The following TMEM164 variants were observed in gnomAD, a reference collection of about 807,000 sequenced individuals.
TMEM164 encodes RP13-360B22.2.
In TMEM164, 4 loss-of-function variants were observed where a neutral mutation model predicts 18.8. That is an observed-to-expected ratio of 0.21 (90% CI 0.10 to 0.49). The LOEUF is 0.49. Ranked by LOEUF, TMEM164 falls within the 20% of genes least tolerant of loss-of-function variation. TMEM164 has a pLI of 0.98. For synonymous variants in TMEM164, 86 were observed against 101.7 expected (o/e 0.85, Z 0.93); for missense variants, 108 against 239.9 (o/e 0.45, Z 3.63).
At chrX:110,054,795 TTGGGTCACACTCCCCAACATTACAAAA>T (rs1935738871) in intron 2 of TMEM164, among the ~76,000 whole-genome samples, 1 of 111,804 alleles carries the variant, frequency 8.9e-6, no homozygotes, top group Non-Finnish European at 1.9e-5. Context: ...TTCTAGTGGA[TTGGGTCACACTCCCCAACATTACAAAA>T]CACTTCTTAA....
downstream of TMEM164, among the ~76,000 whole-genome samples, chrX:110,179,644 C>T (rs1394427915): frequency 3.6e-5 from 4 of 112,286 alleles, no homozygotes; most frequent in East Asian, 8.4e-4. Context: ...TGCAGTCTTC[C>T]CTGAGCCCCA....
At chrX:110,127,536 A>ACAAAT (rs1484976498) in intron 4 of TMEM164, among the ~76,000 whole-genome samples, 1 of 112,012 alleles carries the variant, frequency 8.9e-6, no homozygotes, top group East Asian at 2.8e-4. Flanking sequence ...ACAAAACAAA[A>ACAAAT]CAAAACAACC....
At chrX:110,044,486 C>T (rs922120587) in intron 2 of TMEM164, among the ~76,000 whole-genome samples, 1 of 106,915 alleles carries the variant, frequency 9.4e-6, no homozygotes, top group Non-Finnish European at 1.9e-5. Flanking sequence ...GTCACCCAGG[C>T]TGGAGTGCAG....
downstream of TMEM164, among the ~76,000 whole-genome samples, chrX:110,181,519 T>C (rs753278703): frequency 8.9e-6 from 1 of 112,628 alleles, no homozygotes; most frequent in Admixed American, 9.3e-5. Flanking sequence ...GGAAATAACT[T>C]TGTTGGGAAA....
At chrX:110,007,520 T>C in intron 2 of TMEM164, among the ~76,000 whole-genome samples, 1 of 112,344 alleles carries the variant, frequency 8.9e-6, no homozygotes, top group Non-Finnish European at 1.9e-5. Flanking sequence ...TTGGCAGGTA[T>C]GGGTGACAGG....
At chrX:110,068,366 T>C (rs2065532487) in intron 3 of TMEM164, among the ~76,000 whole-genome samples, 1 of 112,453 alleles carries the variant, frequency 8.9e-6, no homozygotes, top group Non-Finnish European at 1.9e-5. Flanking sequence ...CTTGAACAGC[T>C]CCTAAAGGAA....
intron 5 of TMEM164, among the ~76,000 whole-genome samples, chrX:110,158,385 A>G (rs757371126): frequency 2.7e-5 from 3 of 111,807 alleles, no homozygotes; most frequent in South Asian, 3.8e-4. Flanking sequence ...GATCCGTCCA[A>G]TGTTGAGGCT....
chrX:110,127,173 G>A (rs1344995703), intron 4 of TMEM164, among the ~76,000 whole-genome samples: 1 of 110,704 alleles, frequency 9.0e-6, no homozygotes, highest in African/African-American at 3.3e-5. Context: ...TCCTGAGGAA[G>A]TACCATCCAG....
At chrX:110,145,282 A>G (rs1346388643) in intron 5 of TMEM164, among the ~76,000 whole-genome samples, 1 of 111,417 alleles carries the variant, frequency 9.0e-6, no homozygotes, top group Admixed American at 9.5e-5. Flanking sequence ...AAAAGAAGAT[A>G]TTGTAAGGGG....
intron 5 of TMEM164, among the ~76,000 whole-genome samples, chrX:110,157,539 A>C (rs2067034296): frequency 9.0e-6 from 1 of 111,648 alleles, no homozygotes; most frequent in South Asian, 3.8e-4. Flanking sequence ...CAGTAGAGCC[A>C]GGGAACATTG....
intron 4 of TMEM164, among the ~76,000 whole-genome samples, chrX:110,140,989 G>A (rs1362206885): frequency 1.8e-5 from 2 of 111,572 alleles, no homozygotes; most frequent in African/African-American, 6.5e-5. Context: ...GTAAAGAACT[G>A]TCTTAGCTGG....
chrX:110,160,654 A>G lies in TMEM164; in HGVS notation c.587-10766A>G, dbSNP rs775252868. The stretch of plus-strand genomic sequence containing the variant: ...CAAGTCTGCTGGGAAATCCCTTTCT[A>G]TTTCACTAGAGGGAGCTCTTGTTTC... On this transcript the variant is annotated intron_variant, in intron 5 of 6. Transcript: ENST00000372068. Among the ~76,000 whole-genome samples the G allele has an allele frequency of 2.8e-4, 31 of 111,696 alleles. 1 individual carries two copies. In the South Asian group the frequency reaches 9.0e-3, roughly 33 times the overall value.
At chrX:110,105,679 GACACACACACACACACAC>G (rs758900532) in intron 3 of TMEM164, among the ~76,000 whole-genome samples, 3 of 65,436 alleles carry the variant, frequency 4.6e-5, no homozygotes, top group African/African-American at 1.1e-4. Flanking sequence ...TAGAAACACA[GACACACACACACACACAC>G]ACACACACAC....
intron 4 of TMEM164, among the ~76,000 whole-genome samples, chrX:110,143,804 G>GGGGTGT (rs1168800369): frequency 9.7e-6 from 1 of 103,054 alleles, no homozygotes; most frequent in African/African-American, 3.5e-5. Context: ...CATACTTTGG[G>GGGGTGT]GTGTGTGTGT....
downstream of TMEM164, among the ~76,000 whole-genome samples, chrX:110,181,046 G>A (rs570330413): frequency 1.8e-5 from 2 of 111,221 alleles, no homozygotes; most frequent in African/African-American, 3.3e-5. Context: ...CTAGCGTGTC[G>A]GCGCTAACAA....
intron 3 of TMEM164, among the ~76,000 whole-genome samples, chrX:110,105,750 TGAGAGA>T (rs59866982): frequency 0.032 from 2,331 of 71,986 alleles, 22 homozygotes; most frequent in African/African-American, 0.044. Context: ...AGAGAGAGAA[TGAGAGA>T]GAGAGAGAGA....
intron 2 of TMEM164, among the ~76,000 whole-genome samples, chrX:110,057,404 G>A: frequency 9.0e-6 from 1 of 111,207 alleles, no homozygotes; most frequent in Non-Finnish European, 1.9e-5. Context: ...TGCATCCATC[G>A]ATGAACATTT....
intron 4 of TMEM164, among the ~76,000 whole-genome samples, chrX:110,135,149 T>C (rs1471169405): frequency 9.0e-6 from 1 of 110,940 alleles, no homozygotes; most frequent in Non-Finnish European, 1.9e-5. Flanking sequence ...TGTTTCCTTC[T>C]CCAGTTTGGG....
intron 2 of TMEM164, chrX:110,046,317 C>G: frequency 1.3e-6 from 1 of 754,448 alleles, no homozygotes; most frequent in Non-Finnish European, 1.6e-6. Context: ...TATTTAACCT[C>G]TCAGTAGAGT....
Sources: allele counts gnomAD v4.1 joint callset (sites outside exome capture counted in the v4.1 genomes callset), GRCh38; gene constraint gnomAD v4.1.1; transcripts MANE v1.5; gene names NCBI Gene and HGNC (gene_info 2026-07-23, HGNC 2026-07-21).